The following ACLY variants were observed in gnomAD, a reference collection of about 807,000 sequenced individuals.
The protein encoded by ACLY is ATP citrate lyase.
Under a neutral mutation model 133.0 loss-of-function variants are expected in ACLY, and 41 were observed. The ratio of observed to expected loss-of-function variants is 0.31; its 90% confidence interval spans 0.24 to 0.40. ACLY has a LOEUF of 0.40. ACLY is among the 10% of genes least tolerant of loss of function. ACLY has a pLI of 1.00. For synonymous variants in ACLY, 495 were observed against 549.3 expected (o/e 0.90, Z 1.38); for missense variants, 1,046 against 1,453.8 (o/e 0.72, Z 4.56).
upstream of ACLY, among the ~76,000 whole-genome samples, chr17:41,919,237 GA>G (rs1353330687): frequency 2.7e-5 from 4 of 148,592 alleles, no homozygotes; most frequent in Non-Finnish European, 6.0e-5. Flanking sequence ...GCTGGGAGGA[GA>G]ACGCGCGGTG....
chr17:41,890,952 AGAGT>A (rs1555629140), intron 16 of ACLY, among the ~76,000 whole-genome samples: 4 of 151,848 alleles, frequency 2.6e-5, no homozygotes, highest in Admixed American at 2.6e-4. Flanking sequence ...GCTGTGTGAC[AGAGT>A]GAGGCCCTGT....
chr17:41,898,521 C>T, intron 12 of ACLY, 110 bp downstream of exon 12: 1 of 1,403,738 alleles, frequency 7.1e-7, no homozygotes, highest in Non-Finnish European at 9.5e-7. Flanking sequence ...CATGCACTAA[C>T]TCCCGCTGTA....
intron 11 of ACLY, among the ~76,000 whole-genome samples, chr17:41,899,270 CTT>C (rs1242422911): frequency 4.6e-5 from 7 of 150,814 alleles, no homozygotes; most frequent in African/African-American, 7.3e-5. Context: ...GAGTGAGACT[CTT>C]GTCTCCAAAA....
At chr17:41,907,619 G>C (rs1032936489) in intron 6 of ACLY, 47 bp from the exon 7 acceptor site, 8 of 1,600,212 alleles carry the variant, frequency 5.0e-6, no homozygotes, top group East Asian at 4.5e-5. Flanking sequence ...TCTGGGTAGA[G>C]ACAACCACCA....
intron 18 of ACLY, among the ~76,000 whole-genome samples, chr17:41,885,170 G>C (rs1327954024): frequency 1.3e-5 from 2 of 152,190 alleles, no homozygotes; most frequent in Non-Finnish European, 2.9e-5. Context: ...ATAAGCCACT[G>C]TTCTTGGCCT....
At chr17:41,896,856 G>GC (rs1339046996) in intron 13 of ACLY, among the ~76,000 whole-genome samples, 2 of 152,210 alleles carry the variant, frequency 1.3e-5, no homozygotes, top group African/African-American at 4.8e-5. Context: ...GCAAGAAAGA[G>GC]CAAAGACCAA....
Position 41,905,595 on chromosome 17 carries a change from G to A in ACLY, c.930C>T (p.Ala310=). 6.2e-7 allele frequency: 1 copy of A among 1,614,146 alleles called. No homozygotes were observed. The highest frequency in any genetic ancestry group is 8.5e-7 in the Non-Finnish European group (1 of 1,180,030). ...ELANYGEYSG[A]PSEQQTYDYA... ...AGTCATAGGTCTGCTGCTCGCTGGG[G>A]GCGCCTGAGTACTCCCCATAGTTTG... The change falls in exon 9 of 29, where the codon GCC becomes GCT. Residue 310 remains alanine (A), a synonymous_variant. Transcript: ENST00000352035.
At chr17:41,889,520 T>A (rs1471228167) in intron 16 of ACLY, among the ~76,000 whole-genome samples, 3 of 2,036 alleles carry the variant, frequency 1.5e-3, no homozygotes, top group Non-Finnish European at 2.9e-3. Context: ...AAGGCTCCAT[T>A]TCACAAAAAA....
chr17:41,905,509 G>C lies in ACLY; in HGVS notation c.1003+13C>G, dbSNP rs782743205. 15 of 1,614,186 alleles carry C rather than the reference G, an allele frequency of 9.3e-6. No individual in the cohort carries two copies. The highest frequency in any genetic ancestry group is 1.1e-5 in the Non-Finnish European group (13 of 1,180,022). On this transcript the variant is annotated intron_variant, in intron 9 of 28. Transcript: ENST00000352035. ...GAAGTGGGGACAGGTATGTGTGTGT[G>C]CAAGTATCTCACCATCTGGGTGCTT...
chr17:41,924,512 T>C (rs2050219322), intron 1 of ACLY, among the ~76,000 whole-genome samples: 1 of 152,090 alleles, frequency 6.6e-6, no homozygotes, highest in Non-Finnish European at 1.5e-5. Context: ...CCTCTCTCCT[T>C]GTAACAGCCC....
At chr17:41,895,784 T>C (rs552588596) in intron 14 of ACLY, among the ~76,000 whole-genome samples, 1 of 152,272 alleles carries the variant, frequency 6.6e-6, no homozygotes, top group Non-Finnish European at 1.5e-5. Context: ...CCTTTCCAGC[T>C]GGTTATCGAC....
At position 41,867,650 on chromosome 17, in the gene ACLY, T is replaced by C. The variant is rs2048499322; in HGVS notation, c.*160A>G. On this transcript the variant is annotated 3_prime_UTR_variant, in exon 29 of 29. Transcript: ENST00000352035. ...CTTCTTTGTGTGGACTGAAGGGGTG[T>C]TAGCCTGTGGATGTTGGTCTTCGGT... 1.4e-5 allele frequency: 7 copies of C among 487,724 alleles called. No homozygotes were observed. The South Asian group carries it at 1.9e-4, about 13-fold the overall frequency. The allele number at this position is 487,724 out of a possible 1,614,324, so 30.2% of individuals were successfully genotyped here.
At position 41,904,723 on chromosome 17, in the gene ACLY, T is replaced by G. The variant is rs1555632258; in HGVS notation, c.1065+6A>C. 1 of 1,613,346 alleles carries G rather than the reference T, an allele frequency of 6.2e-7. No homozygotes were observed. Among genetic ancestry groups the G allele is most frequent in the East Asian group, 2.2e-5 (1 of 44,880 alleles). On this transcript the variant is annotated splice_donor_region_variant and intron_variant, in intron 10 of 28. Transcript: ENST00000352035. ...CCAGAAACTGCACCACTGTTGCAAC[T>G]GTTACCTTGAACGTGGCAGCCACGT...
At chr17:41,881,364 G>A (rs1159129218) in intron 20 of ACLY, among the ~76,000 whole-genome samples, 13 of 148,022 alleles carry the variant, frequency 8.8e-5, no homozygotes, top group African/African-American at 2.0e-4. Context: ...CAGAGGCTGC[G>A]GTGAGCTGAG....
chr17:41,916,414 C>G (rs1470716492), intron 1 of ACLY, among the ~76,000 whole-genome samples: 1 of 151,136 alleles, frequency 6.6e-6, no homozygotes, highest in Admixed American at 6.6e-5. Context: ...GGCTCTGTCG[C>G]CCAGGCTGGC....
intron 23 of ACLY, among the ~76,000 whole-genome samples, chr17:41,873,370 G>T (rs1208774664): frequency 6.6e-6 from 1 of 151,942 alleles, no homozygotes; most frequent in Non-Finnish European, 1.5e-5. Flanking sequence ...TAGTAGAGAT[G>T]GGGTTTCACC....
chr17:41,876,961 AAT>A (rs1315818036), intron 22 of ACLY, among the ~76,000 whole-genome samples: 5 of 152,220 alleles, frequency 3.3e-5, no homozygotes, highest in African/African-American at 1.2e-4. Flanking sequence ...GGAGCCCTTC[AAT>A]ATGTCTTTTA....
At chr17:41,925,694 A>AG (rs1214824588) in intron 1 of ACLY, among the ~76,000 whole-genome samples, 9 of 152,132 alleles carry the variant, frequency 5.9e-5, no homozygotes, top group Admixed American at 5.9e-4. Context: ...CCCACTTAGA[A>AG]GGATGTTGAA....
chr17:41,899,503 A>T (rs2049466541), intron 11 of ACLY, among the ~76,000 whole-genome samples: 2 of 151,840 alleles, frequency 1.3e-5, no homozygotes, highest in African/African-American at 4.8e-5. Flanking sequence ...CTCTCCATGG[A>T]GCTTCACCTG....
Sources: allele counts gnomAD v4.1 joint callset (sites outside exome capture counted in the v4.1 genomes callset), GRCh38; gene constraint gnomAD v4.1.1; transcripts MANE v1.5; gene names NCBI Gene and HGNC (gene_info 2026-07-23, HGNC 2026-07-21).